Variants in BCAS3 observed in about 807,000 individuals in gnomAD.
BCAS3 encodes the protein BCAS3 microtubule associated cell migration factor.
BCAS3 carries 53 observed loss-of-function variants against 116.1 expected under a neutral mutation model. The observed-to-expected ratio is 0.46, with a 90% CI of 0.37 to 0.57. The LOEUF (loss-of-function observed/expected upper bound fraction) is 0.57, where lower values mean the gene tolerates loss of function less well. BCAS3 is among the 20% of genes least tolerant of loss of function. BCAS3 has a pLI of 0.00. For synonymous variants in BCAS3, 391 were observed against 408.2 expected (o/e 0.96, Z 0.51); for missense variants, 917 against 1,165.4 (o/e 0.79, Z 3.10).
chr17:60,990,007 G>C lies in BCAS3; in HGVS notation c.1258G>C (p.Val420Leu), dbSNP rs779547305. The C allele has an allele frequency of 1.2e-6, 2 of 1,614,084 alleles. No individual in the cohort carries two copies. Among genetic ancestry groups the C allele is most frequent in the South Asian group, 2.2e-5 (2 of 91,066 alleles). The stretch of plus-strand genomic sequence containing the variant: ...CTGCTTCAGCCATGACTGTCGCTGG[G>C]TTGTGGTCAGTACTCTCCGGGGTAC... ...DICFSHDCRWVVVSTLRGTSH... is the reference protein window; with the variant it reads ...DICFSHDCRWLVVSTLRGTSH... Residue 420 changes from valine to leucine, a missense_variant, in exon 15 of 24, where the codon GTT (valine) becomes CTT (leucine). Val to Leu is a conservative substitution (Grantham distance 32, BLOSUM62 1). This residue lies in a region of BCAS3 where 807 missense variants were observed against 1,026.0 expected (regional missense o/e 0.79). Transcript: ENST00000407086. The surrounding 1 kb of genome is among the most constrained non-coding windows in gnomAD (Gnocchi z 5.1).
At chr17:61,274,491 G>A (rs895125420) in intron 22 of BCAS3, among the ~76,000 whole-genome samples, 1 of 151,960 alleles carries the variant, frequency 6.6e-6, no homozygotes, top group African/African-American at 2.4e-5. Context: ...GTTTCACCAT[G>A]TTGGCCAGGC....
In BCAS3 at chr17:61,200,671, T is replaced by C. The variant is rs2080766968; in HGVS notation, c.2425+116107T>C. 6.6e-6 allele frequency among the ~76,000 whole-genome samples: 1 copy of C among 152,226 alleles called. No individual in the cohort carries two copies. The highest frequency in any genetic ancestry group is 6.5e-5 in the Admixed American group (1 of 15,292). Reference sequence around the variant, plus strand: ...CTCAGCTGTTTGGCTGGCTCTCTTATTATATTAGTATCTTTTTACTATTAT... The same window carrying C: ...CTCAGCTGTTTGGCTGGCTCTCTTACTATATTAGTATCTTTTTACTATTAT... On this transcript the variant is annotated intron_variant, in intron 22 of 23. Coordinates refer to ENST00000407086, the MANE Select transcript of BCAS3 (RefSeq NM_017679.5). The surrounding 1 kb of genome is among the most constrained non-coding windows in gnomAD (Gnocchi z 5.1).
rs1228253281 is a variant in BCAS3, at chr17:61,241,309, T to C, written c.2426-127018T>C. Among the ~76,000 whole-genome samples the C allele has an allele frequency of 1.3e-5, 2 of 152,034 alleles. No individual in the cohort carries two copies. Among genetic ancestry groups the C allele is most frequent in the Non-Finnish European group, 2.9e-5 (2 of 68,002 alleles). ...TACCACCAAGTACCCACGTCTTCCT[T>C]TGGCTCTGTTGTCCTCTGCTTGTTT... On this transcript the variant is annotated intron_variant, in intron 22 of 23. Coordinates refer to ENST00000407086, the MANE Select transcript of BCAS3 (RefSeq NM_017679.5). This position sits in a 1 kb window ranked among gnomAD's most constrained non-coding sequence, Gnocchi z 4.6.
rs2051281705 is a variant in BCAS3 at position 61,281,925 on chromosome 17, G to T, written c.2426-86402G>T. On this transcript the variant is annotated intron_variant, in intron 22 of 23. Transcript: ENST00000407086. The surrounding 1 kb of genome is among the most constrained non-coding windows in gnomAD (Gnocchi z 4.2). ...GCTACTTCCTTTTTACAAGACTGTT[G>T]TGCACATAATAGATGTTCAAGACTT... Among the ~76,000 whole-genome samples, 1 of 151,938 alleles carries T rather than the reference G, an allele frequency of 6.6e-6. No homozygotes were observed. Among genetic ancestry groups the T allele is most frequent in the South Asian group, 2.1e-4 (1 of 4,808 alleles).
At chr17:60,899,256 C>T (rs994050142) in intron 10 of BCAS3, among the ~76,000 whole-genome samples, 1 of 151,958 alleles carries the variant, frequency 6.6e-6, no homozygotes, top group African/African-American at 2.4e-5. Flanking sequence ...CAGTGGGGCT[C>T]ACCCCCCAGT....
intron 22 of BCAS3, among the ~76,000 whole-genome samples, chr17:61,125,099 CTAGGTATGTGTATAT>C (rs2075985228): frequency 6.6e-6 from 1 of 152,032 alleles, no homozygotes; most frequent in Non-Finnish European, 1.5e-5. Flanking sequence ...TTTTGAATGT[CTAGGTATGTGTATAT>C]TTTTCAGAAG....
intron 10 of BCAS3, among the ~76,000 whole-genome samples, chr17:60,895,101 C>T (rs908050433): frequency 4.6e-5 from 7 of 151,898 alleles, no homozygotes; most frequent in African/African-American, 1.5e-4. Context: ...AGAGTTTCTT[C>T]CTCTTTTATT....
chr17:60,816,781 T>A lies in BCAS3; in HGVS notation c.476+8705T>A, dbSNP rs148194328. On this transcript the variant is annotated intron_variant, in intron 7 of 23. Coordinates refer to ENST00000407086, the MANE Select transcript of BCAS3 (RefSeq NM_017679.5). ...TATGTCTGAAGAACAAAGAAAAGCT[T>A]GGGAAATTAGAGAAATGCAACATAT... Among the ~76,000 whole-genome samples, 824 of 152,262 alleles carry A rather than the reference T, an allele frequency of 5.4e-3. 42 individuals are homozygous for A. Among genetic ancestry groups the A allele is most frequent in the Admixed American group, 0.05 (771 of 15,292 alleles).
At chr17:60,910,726 C>A in intron 12 of BCAS3, 24 bp downstream of exon 12, 1 of 1,570,118 alleles carries the variant, frequency 6.4e-7, no homozygotes, top group South Asian at 1.2e-5. Flanking sequence ...TTGGTGCGTA[C>A]CATGTGTGTT....
Position 61,171,946 on chromosome 17 carries a change from A to G in BCAS3, c.2425+87382A>G, listed in dbSNP as rs1293891239. ...CCATACCCAGCAAACAGGAAGCTTT[A>G]AAAAGCAGGAATGGCTATATTAATA... On this transcript the variant is annotated intron_variant, in intron 22 of 23. Coordinates refer to ENST00000407086, the MANE Select transcript of BCAS3 (RefSeq NM_017679.5). The surrounding 1 kb of genome is among the most constrained non-coding windows in gnomAD (Gnocchi z 4.1). Among the ~76,000 whole-genome samples the G allele has an allele frequency of 1.3e-5, 2 of 152,186 alleles. No individual in the cohort carries two copies. Among genetic ancestry groups the G allele is most frequent in the African/African-American group, 2.4e-5 (1 of 41,458 alleles).
intron 7 of BCAS3, among the ~76,000 whole-genome samples, chr17:60,825,685 A>G (rs918705478): frequency 2.6e-5 from 4 of 151,394 alleles, no homozygotes; most frequent in Non-Finnish European, 5.9e-5. Flanking sequence ...CCAAGGTTGC[A>G]CCTTGAACTC....
In BCAS3 at chr17:61,256,533, G is replaced by A. The variant is rs560692144; in HGVS notation, c.2426-111794G>A. On this transcript the variant is annotated intron_variant, in intron 22 of 23. Coordinates refer to ENST00000407086, the MANE Select transcript of BCAS3 (RefSeq NM_017679.5). The surrounding 1 kb of genome is among the most constrained non-coding windows in gnomAD (Gnocchi z 5.6). ...TTGCCAGGCCGGTCTCAAACTCCTG[G>A]CCTCAAGTGATCCACCCACCTGGGC... Among the ~76,000 whole-genome samples, 13 of 152,114 alleles carry A rather than the reference G, an allele frequency of 8.5e-5. No homozygotes were observed. Among genetic ancestry groups the A allele is most frequent in the Admixed American group, 8.5e-4 (13 of 15,268 alleles).
chr17:60,729,171 GT>G (rs2040210718), intron 5 of BCAS3, among the ~76,000 whole-genome samples: 1 of 151,970 alleles, frequency 6.6e-6, no homozygotes, highest in South Asian at 2.1e-4. Context: ...TGCATTTTTT[GT>G]TTGTTTTTAT....
At chr17:61,048,867 C>T (rs1286870438) in intron 19 of BCAS3, among the ~76,000 whole-genome samples, 1 of 151,966 alleles carries the variant, frequency 6.6e-6, no homozygotes, top group Non-Finnish European at 1.5e-5. Context: ...CACACAGAGT[C>T]AGGACTAGTG....
At chr17:60,752,144 A>C (rs1271173466) in intron 6 of BCAS3, among the ~76,000 whole-genome samples, 1 of 143,690 alleles carries the variant, frequency 7.0e-6, no homozygotes, top group Non-Finnish European at 1.5e-5. Context: ...TATTACATGT[A>C]TTGGCTGAAG....
rs2083004839 is a variant in BCAS3, at chr17:61,235,782, CT to C, written c.2426-132544del. On this transcript the variant is annotated intron_variant, in intron 22 of 23. Transcript: ENST00000407086. This position sits in a 1 kb window ranked among gnomAD's most constrained non-coding sequence, Gnocchi z 5.0. ...GGAGGCTGCAAAAGAGATGTGGAGACTGGGGGAAAAGGACTGATTATATGTT... is the reference window on the plus strand; with the variant it reads ...GGAGGCTGCAAAAGAGATGTGGAGACGGGGGAAAAGGACTGATTATATGTT... Among the ~76,000 whole-genome samples the C allele has an allele frequency of 3.3e-5, 5 of 151,234 alleles. No homozygotes were observed. Among genetic ancestry groups the C allele is most frequent in the Non-Finnish European group, 4.4e-5 (3 of 67,924 alleles).
intron 22 of BCAS3, among the ~76,000 whole-genome samples, chr17:61,351,843 G>T (rs150055260): frequency 1.3e-5 from 2 of 152,174 alleles, no homozygotes; most frequent in African/African-American, 4.8e-5. Flanking sequence ...AAGGAGATGG[G>T]CTGGTTCATC....
At position 60,802,437 on chromosome 17, in the gene BCAS3, GTCTA is replaced by G. The variant is rs778035879; in HGVS notation, c.404-5563_404-5560del. ...AAGAGCTCTCTTTTATTCTCCAAGC[GTCTA>G]TCTTTTTAATTCTTATTTTGTTCCA... On this transcript the variant is annotated intron_variant, in intron 6 of 23. Transcript: ENST00000407086. Among the ~76,000 whole-genome samples, 36 of 149,366 alleles carry G rather than the reference GTCTA, an allele frequency of 2.4e-4. No homozygotes were observed. The East Asian group carries it at 6.4e-3, about 27-fold the overall frequency.
intron 22 of BCAS3, among the ~76,000 whole-genome samples, chr17:61,190,595 T>A (rs1431851355): frequency 3.4e-5 from 5 of 146,430 alleles, no homozygotes; most frequent in South Asian, 2.2e-4. Flanking sequence ...TACAAAAAAA[T>A]TTTATTTCAT....
Sources: gnomAD v4.1 joint callset for allele counts (sites outside exome capture counted in the v4.1 genomes callset) on GRCh38, gnomAD v4.1.1 for gene constraint, gnomAD v4.1.1 regional missense constraint, Gnocchi (gnomAD v3.1) non-coding constraint, MANE v1.5 for transcripts, NCBI Gene and HGNC (gene_info 2026-07-23, HGNC 2026-07-21) for gene names.